Variants in STXBP5L observed in about 807,000 individuals in gnomAD.
STXBP5L encodes the protein syntaxin binding protein 5L, also known as syntaxin-binding protein 5-like.
STXBP5L carries 65 observed loss-of-function variants against 144.5 expected under a neutral mutation model. The ratio of observed to expected loss-of-function variants is 0.45; its 90% CI spans 0.37 to 0.55. The LOEUF is 0.55. Among genes scored for constraint, STXBP5L ranks in the 20% least tolerant of loss-of-function variants. STXBP5L has a pLI of 0.00. For missense variants in STXBP5L, 1,298 were observed against 1,405.5 expected, an observed-to-expected ratio of 0.92 and a Z score of 1.22; for synonymous variants, 505 against 469.6, an observed-to-expected ratio of 1.08 and a Z score of -0.97.
At chr3:121,265,095 A>G (rs929977062) in intron 18 of STXBP5L, among the ~76,000 whole-genome samples, 3 of 152,200 alleles carry the variant, frequency 2.0e-5, no homozygotes, top group African/African-American at 7.2e-5. Flanking sequence ...GATATTCTGG[A>G]CTTGAACTCA....
intron 20 of STXBP5L, among the ~76,000 whole-genome samples, chr3:121,338,825 C>G (rs2044605156): frequency 1.3e-5 from 2 of 151,984 alleles, no homozygotes; most frequent in Non-Finnish European, 2.9e-5. Flanking sequence ...TGGAAACATA[C>G]CACCTCCCCA....
intron 20 of STXBP5L, among the ~76,000 whole-genome samples, chr3:121,338,983 C>T (rs748937324): frequency 5.3e-5 from 8 of 152,000 alleles, no homozygotes; most frequent in East Asian, 1.9e-4. Context: ...AAAGAATTGG[C>T]GCCAATTTTG....
chr3:121,136,301 A>T (rs978689619), intron 7 of STXBP5L, among the ~76,000 whole-genome samples: 4 of 152,012 alleles, frequency 2.6e-5, no homozygotes, highest in African/African-American at 9.7e-5. Flanking sequence ...TATCTGGCAG[A>T]TCCCTCCCCA....
intron 3 of STXBP5L, among the ~76,000 whole-genome samples, chr3:121,023,673 C>T (rs998549455): frequency 6.6e-6 from 1 of 152,116 alleles, no homozygotes; most frequent in Non-Finnish European, 1.5e-5. Flanking sequence ...ATTGGCAAGC[C>T]AGGTGTATAA....
chr3:120,976,370 T>C (rs775984233), intron 3 of STXBP5L, among the ~76,000 whole-genome samples: 21 of 152,214 alleles, frequency 1.4e-4, no homozygotes, highest in Non-Finnish European at 1.2e-4. Context: ...AGTTTGTATT[T>C]CTGTGGGATT....
At chr3:121,254,520 AGAG>A (rs750365589) in intron 15 of STXBP5L, among the ~76,000 whole-genome samples, 1 of 152,214 alleles carries the variant, frequency 6.6e-6, no homozygotes, top group African/African-American at 2.4e-5. Flanking sequence ...GATAAAGAAT[AGAG>A]GAGTCTCCGC....
At chr3:121,242,091 C>T (rs561285359) in intron 14 of STXBP5L, among the ~76,000 whole-genome samples, 1 of 152,170 alleles carries the variant, frequency 6.6e-6, no homozygotes, top group African/African-American at 2.4e-5. Flanking sequence ...CTATCATTTC[C>T]AGATGCAATA....
At chr3:121,114,404 T>C (rs78493389) in intron 5 of STXBP5L, among the ~76,000 whole-genome samples, 2,194 of 152,314 alleles carry the variant, frequency 0.014, 55 homozygotes, top group African/African-American at 0.05. Flanking sequence ...CTGTGAACTC[T>C]GAAATTTATG....
intron 3 of STXBP5L, among the ~76,000 whole-genome samples, chr3:120,976,523 G>GT (rs1224458425): frequency 2.6e-5 from 4 of 152,088 alleles, no homozygotes; most frequent in African/African-American, 9.7e-5. Context: ...TTTTTGAAGG[G>GT]TTTTTTATGT....
At chr3:121,043,156 C>A (rs545605859) in intron 4 of STXBP5L, among the ~76,000 whole-genome samples, 123 of 152,148 alleles carry the variant, frequency 8.1e-4, no homozygotes, top group African/African-American at 2.9e-3. Context: ...GAACTACTCG[C>A]CCTATGTACC....
chr3:121,318,181 G>A (rs2043846859), intron 19 of STXBP5L, among the ~76,000 whole-genome samples: 1 of 151,950 alleles, frequency 6.6e-6, no homozygotes, highest in African/African-American at 2.4e-5. Context: ...GAATAGGCCA[G>A]GCATGGTGGC....
intron 3 of STXBP5L, among the ~76,000 whole-genome samples, chr3:120,989,334 G>T (rs1477008136): frequency 6.6e-6 from 1 of 152,124 alleles, no homozygotes; most frequent in Non-Finnish European, 1.5e-5. Flanking sequence ...ATTCTGACTG[G>T]TGTAAGATGG....
At chr3:121,190,985 G>A (rs56036441) in intron 9 of STXBP5L, among the ~76,000 whole-genome samples, 2,189 of 151,968 alleles carry the variant, frequency 0.014, 26 homozygotes, top group Non-Finnish European at 0.022. Context: ...GACGATGGGC[G>A]GCTGGGCAGA....
chr3:121,181,213 T>C (rs2047138925), intron 9 of STXBP5L, among the ~76,000 whole-genome samples: 1 of 150,858 alleles, frequency 6.6e-6, no homozygotes, highest in African/African-American at 2.4e-5. Context: ...GTCTCAGTAC[T>C]AACATTGAAT....
At chr3:121,127,751 G>A (rs1185896871) in intron 7 of STXBP5L, among the ~76,000 whole-genome samples, 1 of 151,874 alleles carries the variant, frequency 6.6e-6, no homozygotes, top group Non-Finnish European at 1.5e-5. Flanking sequence ...CCATTAACCT[G>A]GGATGGAAAA....
intron 6 of STXBP5L, among the ~76,000 whole-genome samples, chr3:121,117,997 AT>A (rs948113369): frequency 5.3e-5 from 8 of 151,808 alleles, no homozygotes; most frequent in African/African-American, 1.9e-4. Flanking sequence ...TTTTAAAAAA[AT>A]GTAAGCTTTT....
At chr3:120,957,117 A>G (rs1938119863) in intron 3 of STXBP5L, among the ~76,000 whole-genome samples, 1 of 151,970 alleles carries the variant, frequency 6.6e-6, no homozygotes, top group South Asian at 2.1e-4. Flanking sequence ...TTGTCAAAAA[A>G]TTATTTGATC....
At chr3:120,996,744 T>C (rs1272033939) in intron 3 of STXBP5L, among the ~76,000 whole-genome samples, 2 of 152,146 alleles carry the variant, frequency 1.3e-5, no homozygotes, top group South Asian at 4.1e-4. Flanking sequence ...TCACTTATCT[T>C]AATATCCTCC....
At chr3:121,101,208 C>T (rs976299732) in intron 5 of STXBP5L, among the ~76,000 whole-genome samples, 2 of 151,916 alleles carry the variant, frequency 1.3e-5, no homozygotes. Flanking sequence ...TTCCAAAATT[C>T]AGGGAAGAGG....
Sources: allele counts gnomAD v4.1 joint callset (sites outside exome capture counted in the v4.1 genomes callset), GRCh38; gene constraint gnomAD v4.1.1; transcripts MANE v1.5; gene names NCBI Gene and HGNC (gene_info 2026-07-23, HGNC 2026-07-21).